Variants in CNTLN observed in about 807,000 individuals in gnomAD.
CNTLN encodes the protein centlein, also known as centlein, centrosomal protein.
A neutral mutation model predicts 180.0 loss-of-function variants in CNTLN; 212 were observed. That is an observed-to-expected ratio of 1.18 (90% CI 1.05 to 1.32). The LOEUF (loss-of-function observed/expected upper bound fraction) is 1.32. Ranked by LOEUF, CNTLN falls within the 40% of genes most tolerant of loss-of-function variation. CNTLN has a pLI of 0.00. For missense variants in CNTLN, 2,095 were observed against 1,610.9 expected, an observed-to-expected ratio of 1.30 and a Z score of -5.14; for synonymous variants, 722 against 563.1, an observed-to-expected ratio of 1.28 and a Z score of -3.99.
chr9:17,509,025 G>A, the CNTLN span, among the ~76,000 whole-genome samples: 2 of 152,200 alleles, frequency 1.3e-5, no homozygotes, highest in African/African-American at 4.8e-5. Context: ...AAATTGATAG[G>A]ATAGGATAAC....
At chr9:17,349,569 C>G (rs965888932) in intron 12 of CNTLN, among the ~76,000 whole-genome samples, 1 of 152,108 alleles carries the variant, frequency 6.6e-6, no homozygotes, top group Admixed American at 6.5e-5. Flanking sequence ...AATGCTACCA[C>G]TGACTGAAAT....
intron 18 of CNTLN, among the ~76,000 whole-genome samples, chr9:17,434,176 G>T (rs1829617261): frequency 6.6e-6 from 1 of 151,902 alleles, no homozygotes; most frequent in African/African-American, 2.4e-5. Flanking sequence ...CAATTTAGTT[G>T]ATTTTTCAAG....
In CNTLN at chr9:17,301,750, G is replaced by T. The variant is rs1294102112; in HGVS notation, c.1146+3398G>T. ...TCTTTATAAATTTTGTCTACAGTTA[G>T]TAGACATTACAATTGTTTTGGTGGC... On this transcript the variant is annotated intron_variant, in intron 7 of 25. Coordinates refer to ENST00000380647, the MANE Select transcript of CNTLN (RefSeq NM_017738.4). 6.3e-6 allele frequency: 6 copies of T among 959,536 alleles called. No homozygotes were observed. The Admixed American group carries it at 3.1e-4, about 49-fold the overall frequency. The allele number at this position is 959,536 out of a possible 1,614,324, so 59.4% of individuals were successfully genotyped here.
At chr9:17,395,463 A>G (rs1477673320) in intron 15 of CNTLN, among the ~76,000 whole-genome samples, 2 of 152,146 alleles carry the variant, frequency 1.3e-5, no homozygotes, top group African/African-American at 4.8e-5. Context: ...ATCTTGTGAC[A>G]TACCAACCTG....
At position 17,356,599 on chromosome 9, in the gene CNTLN, A is replaced by G. The variant is rs535615710; in HGVS notation, c.1887-10018A>G. Among the ~76,000 whole-genome samples, 6 of 152,224 alleles carry G rather than the reference A, an allele frequency of 3.9e-5. No homozygotes were observed. In the South Asian group the frequency reaches 6.2e-4, roughly 16 times the overall value. ...ATGGGAAAATGCTTTTAAACTATGGAGTTTTATAATATTAGTTACATGTAA... is the reference window on the plus strand; with the variant it reads ...ATGGGAAAATGCTTTTAAACTATGGGGTTTTATAATATTAGTTACATGTAA... On this transcript the variant is annotated intron_variant, in intron 12 of 25. Coordinates refer to ENST00000380647, the MANE Select transcript of CNTLN (RefSeq NM_017738.4).
chr9:17,201,542 C>G (rs1015746128), intron 2 of CNTLN, among the ~76,000 whole-genome samples: 6 of 152,032 alleles, frequency 3.9e-5, no homozygotes, highest in African/African-American at 1.4e-4. Context: ...AGGGATTCGA[C>G]TTCTTTCTGG....
In CNTLN at chr9:17,143,341, A is replaced by G. The variant is rs1325948949; in HGVS notation, c.414A>G (p.Pro138=). 3 of 1,613,788 alleles carry G rather than the reference A, an allele frequency of 1.9e-6. No individual in the cohort carries two copies. The South Asian group carries it at 3.3e-5, about 18-fold the overall frequency. The change falls in exon 2 of 26, where the codon CCA becomes CCG. Residue 138 remains proline, a synonymous_variant. Coordinates refer to ENST00000380647, the MANE Select transcript of CNTLN (RefSeq NM_017738.4). ...SLWKRLQVTN[P]DLTQVVSLVV... ...GGAAACGTCTCCAGGTTACAAACCC[A>G]GATCTCACACAAGTGGTCAGTTTGG...
At chr9:17,242,528 C>G (rs888202393) in intron 5 of CNTLN, among the ~76,000 whole-genome samples, 6 of 152,128 alleles carry the variant, frequency 3.9e-5, no homozygotes, top group Admixed American at 3.9e-4. Flanking sequence ...CCAGGCTGGT[C>G]TCGAACTCCT....
At chr9:17,343,297 C>G (rs1406654319) in intron 12 of CNTLN, among the ~76,000 whole-genome samples, 1 of 152,148 alleles carries the variant, frequency 6.6e-6, no homozygotes, top group Non-Finnish European at 1.5e-5. Flanking sequence ...GAGTTAATGC[C>G]TGACACTCAA....
chr9:17,425,633 A>G (rs1829030575), intron 18 of CNTLN, among the ~76,000 whole-genome samples: 1 of 152,186 alleles, frequency 6.6e-6, no homozygotes, highest in Non-Finnish European at 1.5e-5. Context: ...TTTGAGGTGC[A>G]TGCTGGAAAT....
chr9:17,452,215 A>G (rs972478120), intron 18 of CNTLN, among the ~76,000 whole-genome samples: 2 of 152,050 alleles, frequency 1.3e-5, no homozygotes, highest in African/African-American at 4.8e-5. Flanking sequence ...CCTGAAGAAT[A>G]TTTTCCAAGG....
chr9:17,136,531 G>A (rs147282081), intron 1 of CNTLN, among the ~76,000 whole-genome samples: 3,704 of 152,172 alleles, frequency 0.024, 62 homozygotes, highest in Non-Finnish European at 0.033. Flanking sequence ...GGGTTTCACC[G>A]TGTTAGCCAG....
intron 14 of CNTLN, among the ~76,000 whole-genome samples, chr9:17,391,544 G>A (rs1463981777): frequency 1.3e-5 from 2 of 152,052 alleles, no homozygotes; most frequent in Non-Finnish European, 2.9e-5. Context: ...CCCAACGTAT[G>A]TAAAATTTTA....
At chr9:17,281,852 G>A (rs1319558518) in intron 6 of CNTLN, among the ~76,000 whole-genome samples, 2 of 152,164 alleles carry the variant, frequency 1.3e-5, no homozygotes. Context: ...CTAGGTCTTT[G>A]AGGAATCGCC....
rs147222532 is a variant in CNTLN at position 17,372,307 on chromosome 9, T to G, written c.1987+5590T>G. Among the ~76,000 whole-genome samples the G allele has an allele frequency of 5.0e-3, 754 of 152,266 alleles. 5 individuals carry two copies. The highest frequency in any genetic ancestry group is 0.017 in the African/African-American group (724 of 41,574). On this transcript the variant is annotated intron_variant, in intron 13 of 25. Coordinates refer to ENST00000380647, the MANE Select transcript of CNTLN (RefSeq NM_017738.4). ...CTGCAGAAATTTAAAGCATTGTTAG[T>G]GGCTACTATCACCAACTATATGCCA...
intron 2 of CNTLN, among the ~76,000 whole-genome samples, chr9:17,198,360 C>T (rs934625986): frequency 6.7e-6 from 1 of 148,378 alleles, no homozygotes; most frequent in African/African-American, 2.5e-5. Flanking sequence ...TTCGTCCAAT[C>T]CAAGAACATG....
At chr9:17,353,057 G>C (rs905186588) in intron 12 of CNTLN, among the ~76,000 whole-genome samples, 5 of 152,132 alleles carry the variant, frequency 3.3e-5, no homozygotes, top group African/African-American at 4.8e-5. Context: ...CCTGTTTCCA[G>C]TTCTTTTGGG....
At chr9:17,274,455 A>ATCTATCTG (rs1554675087) in intron 6 of CNTLN, among the ~76,000 whole-genome samples, 24 of 54,276 alleles carry the variant, frequency 4.4e-4, no homozygotes, top group Admixed American at 7.3e-4. Flanking sequence ...ATAGATCAAT[A>ATCTATCTG]TCTATCTATC....
At chr9:17,296,162 C>A (rs2132763987) in intron 6 of CNTLN, among the ~76,000 whole-genome samples, 1 of 151,896 alleles carries the variant, frequency 6.6e-6, no homozygotes, top group African/African-American at 2.4e-5. Context: ...GCTACCATGC[C>A]CAGCCAATTT....
Sources: allele counts gnomAD v4.1 joint callset (sites outside exome capture counted in the v4.1 genomes callset), GRCh38; gene constraint gnomAD v4.1.1; transcripts MANE v1.5; gene names NCBI Gene and HGNC (gene_info 2026-07-23, HGNC 2026-07-21).